The following ANKDD1B variants were observed in gnomAD, a reference collection of about 807,000 sequenced individuals.
ANKDD1B encodes ankyrin repeat and death domain-containing protein 1B.
ANKDD1B carries 57 observed loss-of-function variants against 59.7 expected under a neutral mutation model. The observed-to-expected ratio is 0.95, with a 90% confidence interval of 0.77 to 1.19. The LOEUF is 1.19. ANKDD1B is among the 50% of genes most tolerant of loss of function. The pLI, the probability that ANKDD1B is intolerant of heterozygous loss-of-function variation, is 0.00. For synonymous variants in ANKDD1B, 216 were observed against 239.5 expected, an observed-to-expected ratio of 0.90 and a Z score of 0.91; for missense variants, 602 against 641.9, an observed-to-expected ratio of 0.94 and a Z score of 0.67.
At chr5:75,655,631 C>T (rs1008940033) in intron 8 of ANKDD1B, among the ~76,000 whole-genome samples, 9 of 152,172 alleles carry the variant, frequency 5.9e-5, no homozygotes, top group Non-Finnish European at 1.3e-4. Context: ...CCCCTATCCC[C>T]ACACTGGCTC....
At position 75,671,773 on chromosome 5, in the gene ANKDD1B, TTC is replaced by T. The variant is rs1300420818; in HGVS notation, c.*735_*736del. ...TCTTTGTACTTTTGGGTACATTCCA[TTC>T]TTTTTTTCACAAAGAACATGCATTA... On this transcript the variant is annotated 3_prime_UTR_variant, in exon 14 of 14. Coordinates refer to ENST00000601380, the MANE Select transcript of ANKDD1B (RefSeq NM_001276713.2). 1 of 94,834 alleles carries T rather than the reference TTC, an allele frequency of 1.1e-5. No homozygotes were observed. The highest frequency in any genetic ancestry group is 2.6e-5 in the Non-Finnish European group (1 of 38,490). 5.9% of individuals were successfully genotyped at this position (94,834 alleles called of 1,614,324 possible).
At chr5:75,644,357 C>G (rs1214607996) in intron 7 of ANKDD1B, among the ~76,000 whole-genome samples, 2 of 100,822 alleles carry the variant, frequency 2.0e-5, no homozygotes, top group Non-Finnish European at 3.4e-5. Context: ...AAACCCATCT[C>G]ATGTGCAGAG....
intron 5 of ANKDD1B, among the ~76,000 whole-genome samples, chr5:75,632,273 A>G (rs944106925): frequency 2.0e-5 from 3 of 152,218 alleles, no homozygotes; most frequent in East Asian, 1.9e-4. Context: ...GGCTCATTCA[A>G]TTAAAAATCT....
intron 7 of ANKDD1B, among the ~76,000 whole-genome samples, chr5:75,651,903 C>T (rs1367167565): frequency 6.6e-6 from 1 of 152,206 alleles, no homozygotes; most frequent in African/African-American, 2.4e-5. Context: ...TCCTGGTTTA[C>T]GGACAACTGT....
intron 5 of ANKDD1B, among the ~76,000 whole-genome samples, chr5:75,629,953 A>G (rs1774104916): frequency 1.3e-5 from 2 of 152,172 alleles, no homozygotes; most frequent in South Asian, 4.1e-4. Flanking sequence ...GGTTAAATAG[A>G]CATCGAGTTA....
intron 5 of ANKDD1B, among the ~76,000 whole-genome samples, chr5:75,629,966 A>T (rs2112971632): frequency 6.6e-6 from 1 of 152,284 alleles, no homozygotes; most frequent in Non-Finnish European, 1.5e-5. Context: ...TCGAGTTAAT[A>T]GAGGAAAAAA....
intron 7 of ANKDD1B, among the ~76,000 whole-genome samples, chr5:75,652,541 A>T (rs1035322054): frequency 2.0e-5 from 3 of 152,166 alleles, no homozygotes; most frequent in African/African-American, 7.2e-5. Flanking sequence ...TCCCAGGCTC[A>T]AACCATCCTC....
chr5:75,618,739 T>TTTTTG (rs928633634), intron 2 of ANKDD1B, among the ~76,000 whole-genome samples: 8 of 152,194 alleles, frequency 5.3e-5, no homozygotes, highest in East Asian at 3.9e-4. Flanking sequence ...CTGATGGGTT[T>TTTTTG]TTTTGTTTTG....
intron 8 of ANKDD1B, among the ~76,000 whole-genome samples, chr5:75,653,849 C>T (rs1027323858): frequency 6.6e-6 from 1 of 152,162 alleles, no homozygotes; most frequent in Admixed American, 6.5e-5. Context: ...TGGTTTAAAT[C>T]ATGTCAGATA....
chr5:75,616,166 T>C (rs923039630), intron 1 of ANKDD1B, among the ~76,000 whole-genome samples: 9 of 152,132 alleles, frequency 5.9e-5, no homozygotes, highest in Non-Finnish European at 1.3e-4. Flanking sequence ...CTCCCCTACA[T>C]AACAAAAAAC....
Position 75,669,360 on chromosome 5 carries a change from A to G in ANKDD1B, c.1502A>G (p.His501Arg). Residue 501 changes from histidine (H) to arginine (R), a missense_variant, in exon 13 of 14, where the codon CAC becomes CGC. Physicochemically the swap from His to Arg is conservative, Grantham distance 29. Coordinates refer to ENST00000601380, the MANE Select transcript of ANKDD1B (RefSeq NM_001276713.2). ...AAGCAACTGTATGAAGAGCTGGTAC[A>G]CGCAGGTTTCCCAAAACTAGCTGGT... ...PAKQLYEELV[H>R]AGFPKLAEKT... 1 of 1,232,192 alleles carries G rather than the reference A, an allele frequency of 8.1e-7. No homozygotes were observed. The highest frequency in any genetic ancestry group is 1.0e-6 in the Non-Finnish European group (1 of 987,952). The allele number at this position is 1,232,192 out of a possible 1,614,324, so 76.3% of individuals were successfully genotyped here. A position where few individuals can be genotyped will look rare whatever the true frequency, so the allele number is the denominator to read the frequency against.
rs1225528994 is a variant in ANKDD1B at position 75,625,840 on chromosome 5, G to A, written c.496-11G>A. The A allele has an allele frequency of 1.7e-5, 26 of 1,534,722 alleles. No individual in the cohort carries two copies. The highest frequency in any genetic ancestry group is 1.7e-4 in the Middle Eastern group (1 of 6,002). On this transcript the variant is annotated splice_polypyrimidine_tract_variant and intron_variant, in intron 4 of 13. Coordinates refer to ENST00000601380, the MANE Select transcript of ANKDD1B (RefSeq NM_001276713.2). ...TCACTGTCTATCTCCCCCACCCCTGGTTCTCTTCAGGATGGAATGAGCGCC... is the reference window on the plus strand; with the variant it reads ...TCACTGTCTATCTCCCCCACCCCTGATTCTCTTCAGGATGGAATGAGCGCC...
At chr5:75,637,144 C>T (rs1206994398) in intron 7 of ANKDD1B, among the ~76,000 whole-genome samples, 2 of 143,526 alleles carry the variant, frequency 1.4e-5, no homozygotes, top group Non-Finnish European at 3.0e-5. Context: ...ACTCGGGAGG[C>T]TGAGGCAGGA....
intron 7 of ANKDD1B, among the ~76,000 whole-genome samples, chr5:75,643,367 T>C (rs1304654395): frequency 3.1e-5 from 1 of 32,570 alleles, no homozygotes. Context: ...TAGAAGAATG[T>C]ATAACTAGAA....
rs1775214285 is a variant in ANKDD1B, at chr5:75,663,455, T to C, written c.1157T>C (p.Leu386Pro). 1.3e-6 allele frequency: 2 copies of C among 1,536,314 alleles called. No individual in the cohort carries two copies. Among genetic ancestry groups the C allele is most frequent in the Non-Finnish European group, 8.7e-7 (1 of 1,146,954 alleles). Residue 386 changes from leucine to proline, a missense_variant, in exon 11 of 14, where the codon CTC becomes CCC. Physicochemically the swap from Leu to Pro is moderately conservative, Grantham distance 98 (BLOSUM62 -3). Coordinates refer to ENST00000601380, the MANE Select transcript of ANKDD1B (RefSeq NM_001276713.2). ...RSNHSLVVGM[L>P]IKAERYYAWR... ...AACCATAGCCTTGTCGTGGGCATGC[T>C]CATTAAAGCAGAGAGATACTACGCC...
chr5:75,655,384 G>T (rs1774944064), intron 8 of ANKDD1B, among the ~76,000 whole-genome samples: 1 of 152,160 alleles, frequency 6.6e-6, no homozygotes, highest in South Asian at 2.1e-4. Flanking sequence ...TGAGTAAGGG[G>T]GACACGAGTC....
chr5:75,651,112 G>C (rs1774818124), intron 7 of ANKDD1B, among the ~76,000 whole-genome samples: 1 of 152,180 alleles, frequency 6.6e-6, no homozygotes, highest in African/African-American at 2.4e-5. Context: ...CTGGCACGCT[G>C]GAATTTCTGC....
intron 10 of ANKDD1B, among the ~76,000 whole-genome samples, chr5:75,661,124 C>T (rs1456351850): frequency 2.0e-5 from 3 of 149,524 alleles, no homozygotes; most frequent in South Asian, 2.1e-4. Flanking sequence ...ACTGGCTGGG[C>T]GCGGTGGCTC....
intron 3 of ANKDD1B, among the ~76,000 whole-genome samples, chr5:75,624,322 A>T (rs1454938038): frequency 6.6e-6 from 1 of 152,198 alleles, no homozygotes; most frequent in Non-Finnish European, 1.5e-5. Context: ...TCAGGCTCAT[A>T]GTGTCTGCCC....
Sources: gnomAD v4.1 joint callset for allele counts (sites outside exome capture counted in the v4.1 genomes callset) on GRCh38, gnomAD v4.1.1 for gene constraint, MANE v1.5 for transcripts, NCBI Gene and HGNC (gene_info 2026-07-23, HGNC 2026-07-21) for gene names.